CEP162: variants seen among roughly 807,000 people sequenced by gnomAD.
CEP162 encodes the protein centrosomal protein of 162 kDa.
A neutral mutation model predicts 169.2 loss-of-function variants in CEP162; 141 were observed. The ratio of observed to expected loss-of-function variants is 0.83; its 90% CI spans 0.73 to 0.96. CEP162 has a LOEUF of 0.96. Among genes scored for constraint, CEP162 ranks in the 40% least tolerant of loss-of-function variants. CEP162 has a pLI of 0.00. For synonymous variants in CEP162, 540 were observed against 526.4 expected, an observed-to-expected ratio of 1.03 and a Z score of -0.35; for missense variants, 1,600 against 1,587.2, an observed-to-expected ratio of 1.01 and a Z score of -0.14.
intron 18 of CEP162, among the ~76,000 whole-genome samples, chr6:84,166,538 T>C (rs932628485): frequency 6.6e-6 from 1 of 152,178 alleles, no homozygotes; most frequent in African/African-American, 2.4e-5. Context: ...CATATGTTCC[T>C]GGTGAGCAAG....
chr6:84,224,774 G>T (rs1361586506), intron 2 of CEP162, among the ~76,000 whole-genome samples: 1 of 152,124 alleles, frequency 6.6e-6, no homozygotes, highest in East Asian at 1.9e-4. Context: ...GAGAGTGTTG[G>T]AGAATGTGTG....
At chr6:84,126,294 T>C (rs2099508912) in intron 26 of CEP162, 84 bp downstream of exon 26, 3 of 976,126 alleles carry the variant, frequency 3.1e-6, no homozygotes, top group Non-Finnish European at 4.2e-6. Context: ...GTGGTAATTT[T>C]TGCTAGGGAT....
At chr6:84,133,947 C>A (rs1391575613) in intron 25 of CEP162, among the ~76,000 whole-genome samples, 7 of 152,186 alleles carry the variant, frequency 4.6e-5, no homozygotes, top group Non-Finnish European at 2.9e-5. Context: ...GTCGCTCATG[C>A]TAGGAGCTGT....
intron 3 of CEP162, chr6:84,217,858 T>C (rs527763645): frequency 2.6e-5 from 4 of 152,282 alleles, no homozygotes; most frequent in African/African-American, 9.6e-5. Flanking sequence ...GTTCAGTAGA[T>C]AACTGCAACA....
chr6:84,144,237 G>A (rs551751742), intron 25 of CEP162, among the ~76,000 whole-genome samples: 4 of 152,042 alleles, frequency 2.6e-5, no homozygotes, highest in Non-Finnish European at 4.4e-5. Flanking sequence ...AGGAATCATT[G>A]TCAAATAAAG....
chr6:84,130,598 G>A (rs2099510940), intron 25 of CEP162, among the ~76,000 whole-genome samples: 1 of 152,158 alleles, frequency 6.6e-6, no homozygotes, highest in South Asian at 2.1e-4. Flanking sequence ...GGGTGTATGT[G>A]TCCAGGAATT....
At chr6:84,154,314 A>ATCTG (rs1170423529) in intron 22 of CEP162, among the ~76,000 whole-genome samples, 30 of 137,232 alleles carry the variant, frequency 2.2e-4, no homozygotes, top group African/African-American at 1.0e-3. Flanking sequence ...TATCAGGGAT[A>ATCTG]TCTATCTATC....
At chr6:84,177,321 C>T (rs1259770212) in intron 13 of CEP162, among the ~76,000 whole-genome samples, 1 of 152,168 alleles carries the variant, frequency 6.6e-6, no homozygotes, top group Non-Finnish European at 1.5e-5. Context: ...TACCCCACCA[C>T]TATATGCATA....
At chr6:84,143,597 AAATG>A (rs2099517607) in intron 25 of CEP162, among the ~76,000 whole-genome samples, 1 of 152,028 alleles carries the variant, frequency 6.6e-6, no homozygotes, top group South Asian at 2.1e-4. Flanking sequence ...AAGAACAAAA[AAATG>A]AATGAATGTA....
In CEP162 at chr6:84,153,502, T is replaced by A. The variant is rs2099521911; in HGVS notation, c.2995-323A>T. ...ACCTATTATTATGCAGTCTTCTCCATGCAAACTGTCAACACACTCTTCGAG... is the reference window on the plus strand; with the variant it reads ...ACCTATTATTATGCAGTCTTCTCCAAGCAAACTGTCAACACACTCTTCGAG... On this transcript the variant is annotated intron_variant, in intron 22 of 26. Coordinates refer to ENST00000403245, the MANE Select transcript of CEP162 (RefSeq NM_014895.4). 2.0e-5 allele frequency among the ~76,000 whole-genome samples: 3 copies of A among 152,184 alleles called. No individual in the cohort carries two copies. The South Asian group carries it at 6.2e-4, about 32-fold the overall frequency.
intron 17 of CEP162, among the ~76,000 whole-genome samples, chr6:84,169,940 T>C (rs960393781): frequency 5.3e-5 from 8 of 152,300 alleles, no homozygotes; most frequent in African/African-American, 1.9e-4. Context: ...CTAACCCTAA[T>C]GTACTAAAGA....
rs2099531676 is a variant in CEP162 at position 84,174,730 on chromosome 6, G to C, written c.2022C>G (p.Ala674=). The C allele has an allele frequency of 7.3e-7, 1 of 1,372,534 alleles. No individual in the cohort carries two copies. Among genetic ancestry groups the C allele is most frequent in the Non-Finnish European group, 1.0e-6 (1 of 992,920 alleles). 85.0% of individuals were successfully genotyped at this position (1,372,534 alleles called of 1,614,324 possible). A position where few individuals can be genotyped will look rare whatever the true frequency, so the allele number is the denominator to read the frequency against. Residue 674 remains alanine, a synonymous_variant, in exon 15 of 27, where the codon GCC becomes GCG. Coordinates refer to ENST00000403245, the MANE Select transcript of CEP162 (RefSeq NM_014895.4). ...ACCAGAACAATGTATCTAGTACCTT[G>C]GCTTGAAGAATATAATTATCTTGAT... The part of the protein sequence containing the change: ...KLNQDNYILQ[A]KLSSFEETNK...
At chr6:84,186,706 C>T (rs557766795) in intron 11 of CEP162, 83 bp from the exon 12 acceptor site, 35 of 1,046,960 alleles carry the variant, frequency 3.3e-5, no homozygotes, top group East Asian at 2.9e-4. Flanking sequence ...TGTGTGTACA[C>T]GCAGACACAC....
intron 7 of CEP162, among the ~76,000 whole-genome samples, chr6:84,202,966 T>TGA (rs2099545245): frequency 1.3e-5 from 2 of 152,186 alleles, no homozygotes; most frequent in Admixed American, 1.3e-4. Flanking sequence ...GTGTTTCTTT[T>TGA]GAGTCCACGT....
In CEP162 at chr6:84,226,383, C is replaced by T; in HGVS notation, c.11G>A (p.Cys4Tyr). The change falls in exon 2 of 27, where the codon TGT (cysteine) becomes TAT (tyrosine). Residue 4 changes from cysteine to tyrosine, a missense_variant. By Grantham distance (194) the Cys-to-Tyr change is radical (BLOSUM62 -2). Transcript: ENST00000403245. The stretch of plus-strand genomic sequence containing the variant: ...CTCTTCATCTAGCTCTTCTTGGGAA[C>T]AGTTAGCCATAGTCAACAATTTTGA... MAN[C>Y]SQEELDEEFE... 4.5e-6 allele frequency: 7 copies of T among 1,569,144 alleles called. No individual in the cohort carries two copies. The highest frequency in any genetic ancestry group is 6.1e-6 in the Non-Finnish European group (7 of 1,154,292).
intron 6 of CEP162, among the ~76,000 whole-genome samples, chr6:84,210,154 C>G (rs910651640): frequency 6.6e-6 from 1 of 152,148 alleles, no homozygotes; most frequent in African/African-American, 2.4e-5. Flanking sequence ...GTAGATGTTA[C>G]ATATTCAAGT....
chr6:84,165,409 G>A (rs2099527423), intron 18 of CEP162, among the ~76,000 whole-genome samples: 1 of 151,812 alleles, frequency 6.6e-6, no homozygotes, highest in Non-Finnish European at 1.5e-5. Flanking sequence ...TCCTCTGCTT[G>A]ACAAAAACCG....
intron 17 of CEP162, among the ~76,000 whole-genome samples, chr6:84,170,308 A>G (rs372291663): frequency 2.2e-5 from 3 of 137,662 alleles, no homozygotes; most frequent in East Asian, 4.8e-4. Flanking sequence ...TGGGAGGCAG[A>G]GCTTGCAGTG....
chr6:84,183,349 G>A (rs917934903), intron 13 of CEP162, among the ~76,000 whole-genome samples: 1 of 151,932 alleles, frequency 6.6e-6, no homozygotes, highest in Non-Finnish European at 1.5e-5. Flanking sequence ...ATACTCACAG[G>A]TGATCCTTTC....
Sources: gnomAD v4.1 joint callset for allele counts (sites outside exome capture counted in the v4.1 genomes callset) on GRCh38, gnomAD v4.1.1 for gene constraint, MANE v1.5 for transcripts, NCBI Gene and HGNC (gene_info 2026-07-23, HGNC 2026-07-21) for gene names.